MND1: variants seen among roughly 807,000 people sequenced by gnomAD.
MND1 encodes the protein meiotic nuclear division protein 1 homolog.
MND1 carries 28 observed loss-of-function variants against 35.1 expected under a neutral mutation model. That is an observed-to-expected ratio of 0.80 (90% CI 0.59 to 1.09). The LOEUF (loss-of-function observed/expected upper bound fraction) is 1.09. MND1 is among the 50% of genes least tolerant of loss of function. MND1 has a pLI of 0.00. For missense variants in MND1, 213 were observed against 239.6 expected (o/e 0.89, Z 0.73); for synonymous variants, 69 against 70.5 (o/e 0.98, Z 0.11).
At chr4:153,404,734 C>T (rs1443394487) in intron 6 of MND1, among the ~76,000 whole-genome samples, 2 of 152,062 alleles carry the variant, frequency 1.3e-5, no homozygotes, top group African/African-American at 4.8e-5. Context: ...CCGCCTCGGC[C>T]TCTGAAAGTG....
intron 1 of MND1, among the ~76,000 whole-genome samples, chr4:153,346,770 A>G (rs1773085218): frequency 6.6e-6 from 1 of 152,298 alleles, no homozygotes; most frequent in Non-Finnish European, 1.5e-5. Flanking sequence ...GATTCTCCTC[A>G]TTGCCTGCCT....
Position 153,414,870 on chromosome 4 carries a change from T to TCACTGCAGTCCGCA in MND1, c.*13_*14insCACTGCAGTCCGCA. On this transcript the variant is annotated 3_prime_UTR_variant, in exon 8 of 8. Coordinates refer to ENST00000240488, the MANE Select transcript of MND1 (RefSeq NM_032117.4). ...CTACATAGACTAAAATATTCCATGG[T>TCACTGCAGTCCGCA]GGTGAAGGATGTACAAGCTTGTGAA... 1 of 1,134,880 alleles carries TCACTGCAGTCCGCA rather than the reference T, an allele frequency of 8.8e-7. No individual in the cohort carries two copies. Among genetic ancestry groups the TCACTGCAGTCCGCA allele is most frequent in the South Asian group, 1.6e-5 (1 of 64,266 alleles). 70.3% of individuals were successfully genotyped at this position (1,134,880 alleles called of 1,614,324 possible). A position where few individuals can be genotyped will look rare whatever the true frequency, so the allele number is the denominator to read the frequency against.
At chr4:153,345,246 T>A in intron 1 of MND1, 1 of 796,986 alleles carries the variant, frequency 1.3e-6, no homozygotes, top group Non-Finnish European at 1.5e-6. Context: ...CAAAGCGCAC[T>A]CCTGGTTTGT....
intron 6 of MND1, among the ~76,000 whole-genome samples, chr4:153,399,887 G>A (rs1353252319): frequency 1.5e-5 from 2 of 133,964 alleles, no homozygotes; most frequent in Non-Finnish European, 3.1e-5. Flanking sequence ...TTTTTTCAGT[G>A]AGATTTTTTT....
intron 4 of MND1, among the ~76,000 whole-genome samples, chr4:153,359,213 G>A (rs530914506): frequency 6.6e-6 from 1 of 152,142 alleles, no homozygotes; most frequent in Non-Finnish European, 1.5e-5. Flanking sequence ...CTCTTCTCCC[G>A]AAACCGTAGC....
intron 6 of MND1, among the ~76,000 whole-genome samples, chr4:153,406,619 CAT>C (rs1729516745): frequency 6.6e-6 from 1 of 152,092 alleles, no homozygotes; most frequent in East Asian, 1.9e-4. Context: ...ATAAAGAACT[CAT>C]AATACAACAA....
At chr4:153,349,981 C>A (rs929840830) in intron 1 of MND1, 83 bp from the exon 2 acceptor site, 3 of 905,850 alleles carry the variant, frequency 3.3e-6, no homozygotes, top group South Asian at 1.6e-5. Flanking sequence ...TAAGACCATG[C>A]ATAAAATTTC....
intron 4 of MND1, among the ~76,000 whole-genome samples, chr4:153,364,371 G>A (rs1432852945): frequency 6.6e-6 from 1 of 152,074 alleles, no homozygotes; most frequent in Non-Finnish European, 1.5e-5. Flanking sequence ...GGTAAAAGTA[G>A]CTGGGGATAG....
chr4:153,391,302 T>C (rs1729026711), intron 4 of MND1, among the ~76,000 whole-genome samples: 1 of 152,096 alleles, frequency 6.6e-6, no homozygotes, highest in Non-Finnish European at 1.5e-5. Flanking sequence ...TAGCTGGGAT[T>C]ATAGGTGTGC....
intron 4 of MND1, among the ~76,000 whole-genome samples, chr4:153,379,063 T>C (rs918307068): frequency 2.0e-5 from 3 of 151,742 alleles, no homozygotes; most frequent in Non-Finnish European, 2.9e-5. Context: ...CCTAGGTGGG[T>C]GGATCACAAG....
chr4:153,405,900 G>T (rs1729493705), intron 6 of MND1, among the ~76,000 whole-genome samples: 1 of 152,082 alleles, frequency 6.6e-6, no homozygotes, highest in Admixed American at 6.5e-5. Context: ...TGCCTCCCGG[G>T]TTCAGGCCAT....
intron 2 of MND1, among the ~76,000 whole-genome samples, chr4:153,352,983 A>G (rs1220002579): frequency 6.6e-6 from 1 of 152,020 alleles, no homozygotes; most frequent in African/African-American, 2.4e-5. Context: ...CAGCAGCCCC[A>G]CTGGGGCAGC....
chr4:153,411,112 A>AAATGTTTTATG (rs1729670890), intron 7 of MND1, among the ~76,000 whole-genome samples: 1 of 152,252 alleles, frequency 6.6e-6, no homozygotes, highest in South Asian at 2.1e-4. Context: ...TGCCACATCT[A>AAATGTTTTATG]AATGTTTTAT....
At chr4:153,399,704 C>T (rs79583874) in intron 6 of MND1, among the ~76,000 whole-genome samples, 2,580 of 152,086 alleles carry the variant, frequency 0.017, 51 homozygotes, top group East Asian at 0.075. Flanking sequence ...GTTGAGGAGG[C>T]GGCAACTGAA....
intron 4 of MND1, among the ~76,000 whole-genome samples, chr4:153,380,421 C>G (rs534717954): frequency 6.6e-6 from 1 of 152,328 alleles, no homozygotes; most frequent in African/African-American, 2.4e-5. Flanking sequence ...TTGGACATCT[C>G]TCTTTATCCA....
At chr4:153,414,660 A>G (rs549938036) in intron 7 of MND1, 91 bp from the exon 8 acceptor site, 103 of 532,468 alleles carry the variant, frequency 1.9e-4, no homozygotes, top group Admixed American at 4.4e-4. Context: ...GAAAGTTAAT[A>G]GAAGGAAGTA....
At chr4:153,360,160 A>G (rs918676435) in intron 4 of MND1, among the ~76,000 whole-genome samples, 22 of 152,010 alleles carry the variant, frequency 1.4e-4, no homozygotes, top group African/African-American at 4.1e-4. Flanking sequence ...CCATTTTTCA[A>G]TTGGGTTTTT....
intron 4 of MND1, among the ~76,000 whole-genome samples, chr4:153,376,591 T>C (rs556698473): frequency 7.4e-4 from 112 of 152,310 alleles, no homozygotes; most frequent in South Asian, 4.4e-3. Context: ...ATGTTTAACC[T>C]GCTATTCCCC....
At chr4:153,380,977 G>A (rs1295865691) in intron 4 of MND1, among the ~76,000 whole-genome samples, 1 of 151,660 alleles carries the variant, frequency 6.6e-6, no homozygotes, top group Non-Finnish European at 1.5e-5. Context: ...TCGGCTCACT[G>A]CAAGCTCCGC....
Sources: gnomAD v4.1 joint callset for allele counts (sites outside exome capture counted in the v4.1 genomes callset) on GRCh38, gnomAD v4.1.1 for gene constraint, MANE v1.5 for transcripts, NCBI Gene and HGNC (gene_info 2026-07-23, HGNC 2026-07-21) for gene names.